Variants in RNF217 observed in about 807,000 individuals in gnomAD.
RNF217 encodes ring finger protein 217.
A neutral mutation model predicts 57.8 loss-of-function variants in RNF217; 31 were observed. That is an observed-to-expected ratio of 0.54 (90% CI 0.40 to 0.72). The LOEUF (loss-of-function observed/expected upper bound fraction) is 0.72. Ranked by LOEUF, RNF217 falls within the 30% of genes least tolerant of loss-of-function variation. The pLI, the probability that RNF217 is intolerant of heterozygous loss-of-function variation, is 0.00. For missense variants in RNF217, 696 were observed against 708.3 expected (o/e 0.98, Z 0.20); for synonymous variants, 313 against 294.0 (o/e 1.06, Z -0.66).
intron 2 of RNF217, among the ~76,000 whole-genome samples, chr6:125,051,342 G>A (rs552388847): frequency 2.0e-5 from 3 of 151,646 alleles, no homozygotes; most frequent in East Asian, 3.9e-4. Context: ...GATGGCCCCC[G>A]AGATCGTGTG....
intron 1 of RNF217, among the ~76,000 whole-genome samples, chr6:125,030,803 G>C (rs1484060773): frequency 2.0e-5 from 3 of 152,132 alleles, no homozygotes; most frequent in Admixed American, 2.0e-4. Flanking sequence ...CTGGGGTCTG[G>C]AGGACAGTGG....
intron 1 of RNF217, among the ~76,000 whole-genome samples, chr6:125,023,199 G>A (rs573051398): frequency 8.8e-4 from 134 of 152,254 alleles, no homozygotes; most frequent in African/African-American, 3.2e-3. Flanking sequence ...AAGACCTGAA[G>A]GATTTAAGCA....
intron 1 of RNF217, among the ~76,000 whole-genome samples, chr6:125,000,384 A>G (rs901288421): frequency 2.6e-5 from 4 of 152,086 alleles, no homozygotes; most frequent in Non-Finnish European, 5.9e-5. Context: ...AGAAACACAC[A>G]TAATGTTATA....
intron 2 of RNF217, among the ~76,000 whole-genome samples, chr6:125,047,203 A>T (rs1269726462): frequency 1.3e-5 from 2 of 152,096 alleles, no homozygotes; most frequent in Non-Finnish European, 1.5e-5. Flanking sequence ...ACTAATTTTT[A>T]AAATTGCAGT....
At chr6:125,049,292 A>G (rs1016797402) in intron 2 of RNF217, among the ~76,000 whole-genome samples, 1 of 152,030 alleles carries the variant, frequency 6.6e-6, no homozygotes, top group Non-Finnish European at 1.5e-5. Flanking sequence ...GGATTTTATG[A>G]TATATATGTG....
Position 125,088,079 on chromosome 6 carries a change from T to G in RNF217, c.*5142T>G, listed in dbSNP as rs1482249912. The G allele has an allele frequency of 6.8e-6, 1 of 146,414 alleles. No individual in the cohort carries two copies. Among genetic ancestry groups the G allele is most frequent in the East Asian group, 2.0e-4 (1 of 4,888 alleles). The allele number at this position is 146,414 out of a possible 1,614,324, so 9.1% of individuals were successfully genotyped here. A position where few individuals can be genotyped will look rare whatever the true frequency, so the allele number is the denominator to read the frequency against. ...AATGTTGCCCAGGCTGGTCTCAAAC[T>G]CTTGGGCTCAAGCGATCCTCCCTCC... On this transcript the variant is annotated 3_prime_UTR_variant, in exon 6 of 6. Coordinates refer to ENST00000521654, the MANE Select transcript of RNF217 (RefSeq NM_001286398.3).
At chr6:125,064,662 T>C (rs1362134813) in intron 3 of RNF217, among the ~76,000 whole-genome samples, 3 of 152,174 alleles carry the variant, frequency 2.0e-5, no homozygotes, top group Non-Finnish European at 2.9e-5. Context: ...TGCATGCATT[T>C]AGATTTAAGA....
At chr6:125,040,026 A>G (rs749898913) in intron 1 of RNF217, among the ~76,000 whole-genome samples, 1 of 152,158 alleles carries the variant, frequency 6.6e-6, no homozygotes, top group Non-Finnish European at 1.5e-5. Context: ...CCCTAACATC[A>G]CAACTGTAGA....
At chr6:124,987,915 A>G (rs7753550) in intron 1 of RNF217, among the ~76,000 whole-genome samples, 36,703 of 152,124 alleles carry the variant, frequency 0.24, 4,826 homozygotes, top group East Asian at 0.4. Flanking sequence ...ATTAATTAAC[A>G]TACATTAGAA....
chr6:125,001,720 A>G (rs1784993612), intron 1 of RNF217, among the ~76,000 whole-genome samples: 1 of 152,218 alleles, frequency 6.6e-6, no homozygotes, highest in Non-Finnish European at 1.5e-5. Flanking sequence ...CCCTTGTGTG[A>G]TAGGAACACA....
chr6:125,020,843 TACAC>T (rs1486169191), intron 1 of RNF217, among the ~76,000 whole-genome samples: 2 of 152,188 alleles, frequency 1.3e-5, no homozygotes, highest in African/African-American at 4.8e-5. Context: ...ATTAGTAAGA[TACAC>T]ACAAGCATTA....
chr6:125,072,820 T>C (rs1788200645), intron 3 of RNF217, among the ~76,000 whole-genome samples: 1 of 149,670 alleles, frequency 6.7e-6, no homozygotes, highest in Non-Finnish European at 1.5e-5. Flanking sequence ...CCTTTTAAGT[T>C]CATCATAAGA....
At chr6:124,981,022 A>G (rs914955636) in intron 1 of RNF217, among the ~76,000 whole-genome samples, 2 of 152,220 alleles carry the variant, frequency 1.3e-5, no homozygotes, top group African/African-American at 4.8e-5. Flanking sequence ...TTTTCTCTGC[A>G]TATCTGGATA....
rs543247605 is a variant in RNF217 at position 125,034,277 on chromosome 6, A to G, written c.883-10934A>G. ...AGACATGAAGTCTTTGCCCATGCCT[A>G]TGTCCTGAATGGTAATGCCTAGGTT... On this transcript the variant is annotated intron_variant, in intron 1 of 5. Transcript: ENST00000521654. Among the ~76,000 whole-genome samples the G allele has an allele frequency of 7.2e-5, 11 of 152,288 alleles. No homozygotes were observed. The East Asian group carries it at 1.9e-3, about 27-fold the overall frequency.
At chr6:125,051,889 A>G (rs985474783) in intron 2 of RNF217, among the ~76,000 whole-genome samples, 15 of 151,950 alleles carry the variant, frequency 9.9e-5, no homozygotes, top group Non-Finnish European at 2.9e-5. Context: ...ATTTTCCAGT[A>G]CCCTTTGTGT....
chr6:125,023,196 G>A (rs1785915914), intron 1 of RNF217, among the ~76,000 whole-genome samples: 1 of 152,154 alleles, frequency 6.6e-6, no homozygotes, highest in Non-Finnish European at 1.5e-5. Flanking sequence ...GGTAAGACCT[G>A]AAGGATTTAA....
intron 1 of RNF217, among the ~76,000 whole-genome samples, chr6:124,996,131 C>T (rs1784742170): frequency 6.6e-6 from 1 of 152,058 alleles, no homozygotes; most frequent in Non-Finnish European, 1.5e-5. Context: ...AGTTGATACT[C>T]GCTCCACAGC....
chr6:125,026,647 G>GA (rs373732851), intron 1 of RNF217, among the ~76,000 whole-genome samples: 2 of 151,324 alleles, frequency 1.3e-5, no homozygotes, highest in Non-Finnish European at 1.5e-5. Flanking sequence ...ATTTCTCTGA[G>GA]AAAAAAAAAA....
Position 125,039,071 on chromosome 6 carries a change from A to G in RNF217, c.883-6140A>G, listed in dbSNP as rs188595175. Among the ~76,000 whole-genome samples the G allele has an allele frequency of 3.1e-3, 469 of 151,326 alleles. 2 individuals carry two copies. The highest frequency in any genetic ancestry group is 5.6e-3 in the Non-Finnish European group (377 of 67,794). The stretch of plus-strand genomic sequence containing the variant: ...TGTGTCCATGTGTTCTTGTTGTTCA[A>G]CTCCCACTTGTAAGTGAGAACATGT... On this transcript the variant is annotated intron_variant, in intron 1 of 5. Coordinates refer to ENST00000521654, the MANE Select transcript of RNF217 (RefSeq NM_001286398.3).
Sources: allele counts gnomAD v4.1 joint callset (sites outside exome capture counted in the v4.1 genomes callset), GRCh38; gene constraint gnomAD v4.1.1; transcripts MANE v1.5; gene names NCBI Gene and HGNC (gene_info 2026-07-23, HGNC 2026-07-21).